Variants in ZNF423 observed in about 807,000 individuals in gnomAD.
The protein encoded by ZNF423 is zinc finger protein 423.
Under a neutral mutation model 95.8 loss-of-function variants are expected in ZNF423, and 12 were observed. The observed-to-expected ratio is 0.13, with a 90% confidence interval of 0.08 to 0.20. ZNF423 has a LOEUF of 0.20. Among genes scored for constraint, ZNF423 ranks in the 10% least tolerant of loss-of-function variants. The pLI is 1.00. For missense variants in ZNF423, 1,316 were observed against 1,737.1 expected (o/e 0.76, Z 4.31); for synonymous variants, 749 against 711.9 (o/e 1.05, Z -0.83).
intron 2 of ZNF423, among the ~76,000 whole-genome samples, chr16:49,775,451 C>T (rs2034105031): frequency 1.3e-5 from 2 of 152,190 alleles, no homozygotes; most frequent in South Asian, 4.1e-4. Context: ...CAGGCCACCT[C>T]GACAGCCTTT....
At chr16:49,648,292 G>A (rs893329742) in intron 3 of ZNF423, among the ~76,000 whole-genome samples, 4 of 152,166 alleles carry the variant, frequency 2.6e-5, no homozygotes, top group African/African-American at 4.8e-5. Flanking sequence ...CAAGCAAACT[G>A]TGGAAGGTAT....
intron 2 of ZNF423, among the ~76,000 whole-genome samples, chr16:49,743,579 A>G (rs924422749): frequency 6.6e-6 from 1 of 152,080 alleles, no homozygotes; most frequent in Non-Finnish European, 1.5e-5. Context: ...CTGTATTTCC[A>G]GGGAGGGATG....
At chr16:49,722,581 C>G (rs1234197672) in intron 3 of ZNF423, among the ~76,000 whole-genome samples, 1 of 152,216 alleles carries the variant, frequency 6.6e-6, no homozygotes, top group Non-Finnish European at 1.5e-5. Flanking sequence ...ACTTACCCTT[C>G]TGATTATACA....
At chr16:49,813,953 G>A (rs2034795484) in intron 1 of ZNF423, among the ~76,000 whole-genome samples, 1 of 152,176 alleles carries the variant, frequency 6.6e-6, no homozygotes, top group South Asian at 2.1e-4. Flanking sequence ...GTGGGCTCCT[G>A]CAGAAGAAGC....
At chr16:49,757,584 T>G (rs1209563430) in intron 2 of ZNF423, among the ~76,000 whole-genome samples, 1 of 152,206 alleles carries the variant, frequency 6.6e-6, no homozygotes, top group Non-Finnish European at 1.5e-5. Flanking sequence ...ACTTCTAAAA[T>G]TCAACACATC....
At chr16:49,689,896 G>C (rs552284272) in intron 3 of ZNF423, among the ~76,000 whole-genome samples, 4 of 152,294 alleles carry the variant, frequency 2.6e-5, no homozygotes, top group Non-Finnish European at 5.9e-5. Flanking sequence ...CTCCCAGGCA[G>C]TGACCCAGCT....
chr16:49,771,726 C>T (rs1447511783), intron 2 of ZNF423, among the ~76,000 whole-genome samples: 5 of 152,310 alleles, frequency 3.3e-5, no homozygotes, highest in African/African-American at 7.2e-5. Flanking sequence ...CTTTGCCTTT[C>T]ACCATGATTA....
upstream of ZNF423, among the ~76,000 whole-genome samples, chr16:49,858,499 G>C (rs923335545): frequency 2.6e-5 from 4 of 151,998 alleles, no homozygotes; most frequent in Non-Finnish European, 5.9e-5. The surrounding 1 kb of genome is among the most constrained non-coding windows in gnomAD (Gnocchi z 4.3). Context: ...GTCGGGTGAC[G>C]GGCTAAACGC....
At chr16:49,842,058 G>A (rs2035187415) in intron 1 of ZNF423, among the ~76,000 whole-genome samples, 3 of 151,198 alleles carry the variant, frequency 2.0e-5, no homozygotes, top group Non-Finnish European at 1.5e-5. Flanking sequence ...CCAACATAGC[G>A]AAACCCTGTC....
chr16:49,708,284 CTTTTTTCTTTTCTTTT>C (rs2032424930), intron 3 of ZNF423: 1 of 152,030 alleles, frequency 6.6e-6, no homozygotes, highest in Non-Finnish European at 1.5e-5. Context: ...ACACCCACCA[CTTTTTTCTTTTCTTTT>C]TTTTTTCTTT....
chr16:49,708,198 G>C (rs2032420678), intron 3 of ZNF423: 2 of 152,388 alleles, frequency 1.3e-5, no homozygotes. Context: ...CTACAGCATG[G>C]AGATGGCTCC....
chr16:49,656,924 G>A (rs887539203), intron 3 of ZNF423, among the ~76,000 whole-genome samples: 5 of 152,188 alleles, frequency 3.3e-5, no homozygotes, highest in African/African-American at 1.2e-4. Flanking sequence ...GGCCTTACAG[G>A]TGGAGATGGC....
intron 6 of ZNF423, among the ~76,000 whole-genome samples, chr16:49,524,242 C>A (rs922607873): frequency 1.3e-5 from 2 of 152,176 alleles, no homozygotes; most frequent in African/African-American, 4.8e-5. Flanking sequence ...GTCCAAGGTC[C>A]CACTGCTAGC....
intron 3 of ZNF423, among the ~76,000 whole-genome samples, chr16:49,653,489 T>A (rs1178692013): frequency 2.0e-5 from 3 of 152,150 alleles, no homozygotes; most frequent in Non-Finnish European, 4.4e-5. Flanking sequence ...GGATTAGGCA[T>A]GTTTGGATAG....
chr16:49,833,487 C>A (rs1402445513), intron 1 of ZNF423, among the ~76,000 whole-genome samples: 8 of 152,162 alleles, frequency 5.3e-5, no homozygotes, highest in Non-Finnish European at 5.9e-5. Context: ...CTCAGCCTGG[C>A]CCTAACCAAG....
At chr16:49,613,442 C>T (rs1009151928) in intron 5 of ZNF423, among the ~76,000 whole-genome samples, 3 of 152,196 alleles carry the variant, frequency 2.0e-5, no homozygotes, top group African/African-American at 7.2e-5. Flanking sequence ...CCTGTAATCC[C>T]AGTGCTTTGG....
rs558987675 is a variant in ZNF423, at chr16:49,590,966, G to A, written c.3601+35204C>T. Among the ~76,000 whole-genome samples the A allele has an allele frequency of 1.2e-3, 183 of 152,322 alleles. 2 individuals are homozygous for A. The highest frequency in any genetic ancestry group is 4.2e-3 in the African/African-American group (176 of 41,592). ...GTGACACTACTAAAAGCTCCAACGG[G>A]AAATTTAAACTGTGGCACTTCTTAT... On this transcript the variant is annotated intron_variant, in intron 5 of 7. Transcript: ENST00000563137.
chr16:49,810,878 G>A (rs1448011901), intron 1 of ZNF423, among the ~76,000 whole-genome samples: 2 of 152,132 alleles, frequency 1.3e-5, no homozygotes, highest in Non-Finnish European at 2.9e-5. Flanking sequence ...TGAGGCCCTC[G>A]GGGTGTGCAG....
chr16:49,815,145 C>CT (rs1236716927), intron 1 of ZNF423, among the ~76,000 whole-genome samples: 1 of 152,136 alleles, frequency 6.6e-6, no homozygotes, highest in Non-Finnish European at 1.5e-5. Flanking sequence ...ACTTGAGTTT[C>CT]TTATCAGTAA....
Sources: gnomAD v4.1 joint callset for allele counts (sites outside exome capture counted in the v4.1 genomes callset) on GRCh38, gnomAD v4.1.1 for gene constraint, Gnocchi (gnomAD v3.1) non-coding constraint, MANE v1.5 for transcripts, NCBI Gene and HGNC (gene_info 2026-07-23, HGNC 2026-07-21) for gene names.